The following PCDH15 variants were observed in gnomAD, a reference collection of about 807,000 sequenced individuals.
The protein encoded by PCDH15 is protocadherin-15.
In PCDH15, 129 loss-of-function variants were observed where a neutral mutation model predicts 178.5. The observed-to-expected ratio is 0.72, with a 90% CI of 0.63 to 0.84. PCDH15 has a LOEUF of 0.84. Among genes scored for constraint, PCDH15 ranks in the 40% least tolerant of loss-of-function variants. The probability of loss-of-function intolerance (pLI) is 0.00; values close to 1 mark genes in which losing one functional copy is unlikely to be tolerated. For missense variants in PCDH15, 2,230 were observed against 2,099.9 expected (o/e 1.06, Z -1.21); for synonymous variants, 800 against 732.0 (o/e 1.09, Z -1.50).
At chr10:53,913,543 C>T (rs184489514) in intron 25 of PCDH15, among the ~76,000 whole-genome samples, 2 of 150,156 alleles carry the variant, frequency 1.3e-5, no homozygotes, top group Non-Finnish European at 3.0e-5. Context: ...ACCAACCTGG[C>T]TAACATGGTG....
At chr10:55,136,689 C>G (rs1181663162) in intron 2 of PCDH15, among the ~76,000 whole-genome samples, 3 of 151,962 alleles carry the variant, frequency 2.0e-5, no homozygotes, top group Non-Finnish European at 4.4e-5. Flanking sequence ...CTCCTATGAG[C>G]CAAATTTCGT....
At chr10:55,074,485 A>C (rs1841831264) in intron 2 of PCDH15, among the ~76,000 whole-genome samples, 1 of 151,984 alleles carries the variant, frequency 6.6e-6, no homozygotes, top group African/African-American at 2.4e-5. Context: ...TTTCTTTCAT[A>C]TATTTGTTGG....
chr10:54,698,687 T>C (rs1330142404), intron 1 of PCDH15, among the ~76,000 whole-genome samples: 2 of 152,130 alleles, frequency 1.3e-5, no homozygotes, highest in African/African-American at 4.8e-5. Flanking sequence ...ATGAAGATAA[T>C]AACAGCTACC....
intron 1 of PCDH15, among the ~76,000 whole-genome samples, chr10:55,253,630 G>T (rs1379538599): frequency 6.6e-6 from 1 of 151,566 alleles, no homozygotes; most frequent in Admixed American, 6.6e-5. Flanking sequence ...TTTTGTTCTA[G>T]GAGAATTTGA....
At chr10:54,725,479 C>T (rs1036548606) in intron 1 of PCDH15, among the ~76,000 whole-genome samples, 10 of 145,394 alleles carry the variant, frequency 6.9e-5, no homozygotes, top group African/African-American at 1.5e-4. Flanking sequence ...AAGTCTGAGA[C>T]GAGTCTGTGC....
chr10:54,751,291 AT>A (rs780038731), intron 1 of PCDH15, among the ~76,000 whole-genome samples: 17 of 152,122 alleles, frequency 1.1e-4, no homozygotes, highest in Non-Finnish European at 2.4e-4. Flanking sequence ...TGACTGACGT[AT>A]TTCACCACTT....
chr10:54,295,275 T>A (rs568209258), intron 8 of PCDH15, among the ~76,000 whole-genome samples: 1 of 152,166 alleles, frequency 6.6e-6, no homozygotes, highest in Middle Eastern at 3.4e-3. Flanking sequence ...GACCAATAAG[T>A]GCTCTGTAAA....
intron 18 of PCDH15, among the ~76,000 whole-genome samples, chr10:54,048,881 G>GTTT (rs879717157): frequency 1.4e-5 from 2 of 146,148 alleles, no homozygotes; most frequent in Non-Finnish European, 3.0e-5. Flanking sequence ...TTTCAGAACA[G>GTTT]TTTTTTTTTT....
At chr10:54,810,546 A>G (rs1198837250) in intron 3 of PCDH15, among the ~76,000 whole-genome samples, 3 of 149,548 alleles carry the variant, frequency 2.0e-5, no homozygotes, top group Non-Finnish European at 4.5e-5. Flanking sequence ...ATAATAAAAT[A>G]TGTCACAAAA....
intron 2 of PCDH15, among the ~76,000 whole-genome samples, chr10:55,105,308 T>A (rs757449209): frequency 2.0e-5 from 3 of 152,220 alleles, no homozygotes; most frequent in Non-Finnish European, 4.4e-5. Flanking sequence ...TTGTTGTAAA[T>A]CTCCAAAAAG....
At chr10:54,416,797 A>G (rs982387453) in intron 3 of PCDH15, among the ~76,000 whole-genome samples, 2 of 152,062 alleles carry the variant, frequency 1.3e-5, no homozygotes, top group Admixed American at 6.6e-5. Flanking sequence ...ATTGTTTCTG[A>G]CTTTTTAATA....
chr10:54,201,450 T>A (rs6481066), intron 10 of PCDH15, among the ~76,000 whole-genome samples: 136,443 of 151,740 alleles, frequency 0.9, 61,500 homozygotes, highest in East Asian at 0.98. Context: ...ATCATATTGC[T>A]TGTATAGTAA....
intron 1 of PCDH15, among the ~76,000 whole-genome samples, chr10:55,202,702 G>A (rs1038995899): frequency 2.6e-4 from 40 of 152,056 alleles, no homozygotes; most frequent in African/African-American, 4.8e-4. Flanking sequence ...TAATCCCCCC[G>A]TGTCAAGGGA....
In PCDH15 at chr10:53,938,700, A is replaced by C. The variant is rs558233346; in HGVS notation, c.3373+115T>G. On this transcript the variant is annotated intron_variant, in intron 25 of 37. Coordinates refer to ENST00000644397, the MANE Select transcript of PCDH15 (RefSeq NM_001384140.1). ...GAATAGGCAATCATCTCAGAGTATTAATGATCTTTCTATGTTGTCCACTGA... is the reference window on the plus strand; with the variant it reads ...GAATAGGCAATCATCTCAGAGTATTCATGATCTTTCTATGTTGTCCACTGA... 4 of 1,130,788 alleles carry C rather than the reference A, an allele frequency of 3.5e-6. No individual in the cohort carries two copies. The South Asian group carries it at 5.3e-5, about 15-fold the overall frequency. The allele number at this position is 1,130,788 out of a possible 1,614,324, so 70.0% of individuals were successfully genotyped here.
chr10:54,460,774 C>T (rs1039059714), intron 3 of PCDH15, among the ~76,000 whole-genome samples: 1 of 151,908 alleles, frequency 6.6e-6, no homozygotes, highest in African/African-American at 2.4e-5. Flanking sequence ...TATATTTTAT[C>T]GAGGTAGCGA....
intron 2 of PCDH15, among the ~76,000 whole-genome samples, chr10:54,972,848 C>CAAAA (rs750356955): frequency 5.0e-4 from 27 of 53,472 alleles, no homozygotes; most frequent in Non-Finnish European, 7.4e-4. Context: ...GACTCCATCT[C>CAAAA]AAAAAAAAAA....
intron 8 of PCDH15, among the ~76,000 whole-genome samples, chr10:54,246,238 T>C (rs2055910603): frequency 1.3e-5 from 2 of 151,974 alleles, no homozygotes; most frequent in African/African-American, 4.8e-5. Context: ...TACAAAGTTA[T>C]AATTCATTCA....
chr10:54,949,089 AATATT>A (rs1241743353), intron 2 of PCDH15, among the ~76,000 whole-genome samples: 5 of 151,938 alleles, frequency 3.3e-5, no homozygotes, highest in African/African-American at 1.2e-4. Flanking sequence ...CTATTACTAA[AATATT>A]ATGAGTGTCT....
chr10:55,130,825 T>A (rs1248379589), intron 2 of PCDH15, among the ~76,000 whole-genome samples: 5 of 151,834 alleles, frequency 3.3e-5, no homozygotes, highest in African/African-American at 1.2e-4. Context: ...TTCTGCATAG[T>A]TCACATTAAT....
Sources: gnomAD v4.1 joint callset for allele counts (sites outside exome capture counted in the v4.1 genomes callset) on GRCh38, gnomAD v4.1.1 for gene constraint, MANE v1.5 for transcripts, NCBI Gene and HGNC (gene_info 2026-07-23, HGNC 2026-07-21) for gene names.